Variants in PREX2 observed in about 807,000 individuals in gnomAD.
PREX2 encodes phosphatidylinositol-3,4,5-trisphosphate dependent Rac exchange factor 2, also known as phosphatidylinositol 3,4,5-trisphosphate-dependent Rac exchanger 2 protein.
PREX2 carries 107 observed loss-of-function variants against 203.2 expected under a neutral mutation model. The observed-to-expected ratio is 0.53, with a 90% CI of 0.45 to 0.62. The LOEUF (loss-of-function observed/expected upper bound fraction) is 0.62. PREX2 is among the 20% of genes least tolerant of loss of function. The pLI is 0.00. For synonymous variants in PREX2, 672 were observed against 663.6 expected, an observed-to-expected ratio of 1.01 and a Z score of -0.19; for missense variants, 1,777 against 1,955.9, an observed-to-expected ratio of 0.91 and a Z score of 1.72.
chr8:68,201,900 ATTTTTTTT>A (rs869153263), intron 37 of PREX2, among the ~76,000 whole-genome samples: 5 of 98,256 alleles, frequency 5.1e-5, no homozygotes, highest in African/African-American at 8.8e-5. Flanking sequence ...GGTAACACCT[ATTTTTTTT>A]TTTTTTTTTT....
intron 14 of PREX2, among the ~76,000 whole-genome samples, chr8:68,074,672 TTTTG>T (rs56229836): frequency 1.3e-5 from 2 of 151,276 alleles, no homozygotes; most frequent in South Asian, 2.1e-4. Context: ...AAGAAGAGGT[TTTTG>T]TTTGTTTGTT....
At chr8:67,993,778 C>A (rs1403072899) in intron 1 of PREX2, among the ~76,000 whole-genome samples, 1 of 152,056 alleles carries the variant, frequency 6.6e-6, no homozygotes, top group African/African-American at 2.4e-5. Flanking sequence ...ATGGGAATAC[C>A]CACCACATAT....
chr8:68,202,169 G>GGATT (rs1284521888), intron 37 of PREX2, among the ~76,000 whole-genome samples: 1 of 152,192 alleles, frequency 6.6e-6, no homozygotes, highest in Non-Finnish European at 1.5e-5. Context: ...CAAAGTGCTG[G>GGATT]GATTACAGGG....
chr8:68,206,715 GCTCAT>G (rs1398670454), intron 37 of PREX2, among the ~76,000 whole-genome samples: 2 of 152,112 alleles, frequency 1.3e-5, no homozygotes. Flanking sequence ...TCATCTATTT[GCTCAT>G]CCATTTATTT....
chr8:68,016,382 A>T (rs553503536), intron 1 of PREX2, among the ~76,000 whole-genome samples: 85 of 152,244 alleles, frequency 5.6e-4, no homozygotes, highest in Non-Finnish European at 1.0e-3. Flanking sequence ...ATACACATGT[A>T]TGTGTATATA....
chr8:68,199,110 C>T (rs941761295), intron 37 of PREX2, among the ~76,000 whole-genome samples: 1 of 151,056 alleles, frequency 6.6e-6, no homozygotes, highest in African/African-American at 2.4e-5. Flanking sequence ...TTAGTGGCAC[C>T]ATCAAGAAGG....
At chr8:67,964,703 T>C (rs936764469) in intron 1 of PREX2, among the ~76,000 whole-genome samples, 3 of 152,148 alleles carry the variant, frequency 2.0e-5, no homozygotes, top group Admixed American at 6.6e-5. Context: ...TAAAATTTTG[T>C]GGAAGTTTCC....
chr8:68,047,485 A>ATG (rs1808394800), intron 8 of PREX2, among the ~76,000 whole-genome samples: 2 of 102,134 alleles, frequency 2.0e-5, no homozygotes, highest in Admixed American at 8.7e-5. Context: ...ATATATATAT[A>ATG]TATATATATA....
intron 32 of PREX2, among the ~76,000 whole-genome samples, chr8:68,134,480 A>G (rs528174431): frequency 1.3e-5 from 2 of 152,238 alleles, no homozygotes; most frequent in East Asian, 3.9e-4. Flanking sequence ...CCTGATTTGT[A>G]TCTCTTCTCT....
At chr8:68,191,937 CATTT>C (rs1812303114) in intron 36 of PREX2, 149 bp downstream of exon 36, 1 of 607,286 alleles carries the variant, frequency 1.6e-6, no homozygotes, top group South Asian at 2.3e-5. Context: ...CTTCTTTATT[CATTT>C]ATTTATTTTT....
Position 68,137,205 on chromosome 8 carries a change from C to T in PREX2, c.3985-1210C>T, listed in dbSNP as rs58192831. On this transcript the variant is annotated intron_variant, in intron 32 of 39. Coordinates refer to ENST00000288368, the MANE Select transcript of PREX2 (RefSeq NM_024870.4). The stretch of plus-strand genomic sequence containing the variant: ...ACAGGCGTGAGCCACCATGCCTGGC[C>T]TACAGCAACTTTTACAAATGCTGTA... Among the ~76,000 whole-genome samples the T allele has an allele frequency of 5.7e-3, 867 of 152,090 alleles. 14 individuals carry two copies. Among genetic ancestry groups the T allele is most frequent in the African/African-American group, 0.02 (826 of 41,428 alleles).
At chr8:68,044,124 A>C (rs927520093) in intron 7 of PREX2, among the ~76,000 whole-genome samples, 4 of 152,118 alleles carry the variant, frequency 2.6e-5, no homozygotes, top group African/African-American at 9.7e-5. Flanking sequence ...ATGAGTCATG[A>C]AGGTGAAAGA....
At chr8:68,044,980 A>C (rs969812296) in intron 8 of PREX2, among the ~76,000 whole-genome samples, 7 of 152,122 alleles carry the variant, frequency 4.6e-5, no homozygotes, top group Admixed American at 3.3e-4. Context: ...AAATATAGCA[A>C]ACTATAGATT....
At chr8:68,171,253 A>G (rs1031703254) in intron 35 of PREX2, among the ~76,000 whole-genome samples, 6 of 152,196 alleles carry the variant, frequency 3.9e-5, no homozygotes, top group African/African-American at 9.6e-5. Flanking sequence ...GAAGAATGGC[A>G]CATTTTCTTT....
chr8:68,017,622 A>G (rs1478370413), intron 1 of PREX2, among the ~76,000 whole-genome samples: 1 of 152,214 alleles, frequency 6.6e-6, no homozygotes, highest in African/African-American at 2.4e-5. Context: ...TAACTTACAT[A>G]TACTTGATGA....
chr8:68,112,607 C>G (rs746943924), intron 25 of PREX2, among the ~76,000 whole-genome samples: 1 of 152,064 alleles, frequency 6.6e-6, no homozygotes, highest in Non-Finnish European at 1.5e-5. Flanking sequence ...TTTATAGATG[C>G]TTATTTGCCA....
At chr8:67,969,995 C>T (rs141122136) in intron 1 of PREX2, among the ~76,000 whole-genome samples, 49 of 152,304 alleles carry the variant, frequency 3.2e-4, no homozygotes, top group African/African-American at 1.2e-3. Flanking sequence ...TCAATTTGCT[C>T]TAATTCCTAG....
At chr8:68,150,991 C>G (rs537260720) in intron 34 of PREX2, among the ~76,000 whole-genome samples, 1 of 152,162 alleles carries the variant, frequency 6.6e-6, no homozygotes, top group Non-Finnish European at 1.5e-5. Flanking sequence ...CTTCTTCCCT[C>G]TGTGTGTGTC....
intron 35 of PREX2, among the ~76,000 whole-genome samples, chr8:68,167,330 C>CTTT (rs58354162): frequency 7.2e-6 from 1 of 138,636 alleles, no homozygotes. Flanking sequence ...GTGTTCTCTT[C>CTTT]TTTTTTTTTT....
Sources: allele counts gnomAD v4.1 joint callset (sites outside exome capture counted in the v4.1 genomes callset), GRCh38; gene constraint gnomAD v4.1.1; transcripts MANE v1.5; gene names NCBI Gene and HGNC (gene_info 2026-07-23, HGNC 2026-07-21).